The following GSTA4 variants were observed in gnomAD, a reference collection of about 807,000 sequenced individuals.
GSTA4 encodes glutathione S-transferase alpha 4.
A neutral mutation model predicts 24.4 loss-of-function variants in GSTA4; 15 were observed. The observed-to-expected ratio is 0.61, with a 90% CI of 0.41 to 0.95. The LOEUF is 0.95. Ranked by LOEUF, GSTA4 falls within the 40% of genes least tolerant of loss-of-function variation. The pLI is 0.00. For synonymous variants in GSTA4, 92 were observed against 94.2 expected (o/e 0.98, Z 0.13); for missense variants, 244 against 262.1 (o/e 0.93, Z 0.48).
chr6:52,982,429 T>C, intron 6 of GSTA4, 145 bp downstream of exon 6: 1 of 556,096 alleles, frequency 1.8e-6, no homozygotes, highest in South Asian at 2.7e-5. Flanking sequence ...TTTGGGTCCT[T>C]ACTTTCATTT....
intron 6 of GSTA4, among the ~76,000 whole-genome samples, chr6:52,980,109 T>C (rs926448154): frequency 2.0e-5 from 3 of 152,054 alleles, no homozygotes; most frequent in Non-Finnish European, 4.4e-5. Context: ...TAAAAAAGGG[T>C]TGTTATTATA....
At position 52,982,566 on chromosome 6, in the gene GSTA4, T is replaced by C; in HGVS notation, c.546+8A>G. On this transcript the variant is annotated splice_region_variant and intron_variant, in intron 6 of 6. Transcript: ENST00000370963. ...TAGGCCAATCTTCTAATACATAGTT[T>C]TATTTACCTGGAGGAAAGGAAATGC... 6.2e-7 allele frequency: 1 copy of C among 1,605,064 alleles called. No individual in the cohort carries two copies. Among genetic ancestry groups the C allele is most frequent in the African/African-American group, 1.3e-5 (1 of 74,478 alleles).
At chr6:52,991,407 G>A (rs1398887533) in intron 2 of GSTA4, among the ~76,000 whole-genome samples, 2 of 152,128 alleles carry the variant, frequency 1.3e-5, no homozygotes, top group South Asian at 2.1e-4. Flanking sequence ...GATGAAGGTC[G>A]GCATCACTGA....
chr6:52,989,389 G>A (rs150868669), intron 2 of GSTA4, among the ~76,000 whole-genome samples: 4 of 152,244 alleles, frequency 2.6e-5, no homozygotes, highest in East Asian at 3.9e-4. Context: ...AAGAACCCTC[G>A]GTTGGGGTCT....
Position 52,982,751 on chromosome 6 carries a change from G to C in GSTA4, c.415-46C>G, listed in dbSNP as rs200095518. On this transcript the variant is annotated intron_variant, in intron 5 of 6. Transcript: ENST00000370963. Reference sequence around the variant, plus strand: ...TCAGTTACAATATTCCACATGGAGAGAGTGATGAGGCTATTGAATCAGTGC... The same window carrying C: ...TCAGTTACAATATTCCACATGGAGACAGTGATGAGGCTATTGAATCAGTGC... The C allele has an allele frequency of 8.8e-5, 129 of 1,473,380 alleles. No homozygotes were observed. The African/African-American group carries it at 1.5e-3, about 18-fold the overall frequency. The allele number at this position is 1,473,380 out of a possible 1,614,324, so 91.3% of individuals were successfully genotyped here.
At chr6:52,990,954 A>T (rs1403670688) in intron 2 of GSTA4, among the ~76,000 whole-genome samples, 1 of 152,238 alleles carries the variant, frequency 6.6e-6, no homozygotes, top group East Asian at 1.9e-4. Flanking sequence ...CAATTTCTAA[A>T]GACAAGTCAG....
chr6:52,992,938 T>TA (rs2127388494), intron 2 of GSTA4, among the ~76,000 whole-genome samples: 2 of 152,070 alleles, frequency 1.3e-5, no homozygotes, highest in East Asian at 1.9e-4. Flanking sequence ...CTGTCTCTAC[T>TA]AAAAAAATAC....
chr6:52,980,838 A>G (rs967648286), intron 6 of GSTA4, among the ~76,000 whole-genome samples: 1 of 152,176 alleles, frequency 6.6e-6, no homozygotes, highest in African/African-American at 2.4e-5. Flanking sequence ...TTCATCTGTA[A>G]AATGGAGATA....
At chr6:52,988,712 T>C (rs1229794655) in intron 2 of GSTA4, among the ~76,000 whole-genome samples, 1 of 152,200 alleles carries the variant, frequency 6.6e-6, no homozygotes, top group African/African-American at 2.4e-5. Flanking sequence ...GAAACTGTTA[T>C]AACTGCTAAA....
chr6:52,992,232 C>G (rs1763674973), intron 2 of GSTA4, among the ~76,000 whole-genome samples: 1 of 152,098 alleles, frequency 6.6e-6, no homozygotes, highest in Admixed American at 6.5e-5. Context: ...AAAGCTGAAA[C>G]AATTTAGGCA....
intron 6 of GSTA4, among the ~76,000 whole-genome samples, chr6:52,979,928 T>C (rs879663436): frequency 7.2e-5 from 11 of 152,244 alleles, no homozygotes; most frequent in Non-Finnish European, 1.5e-4. Context: ...CTGGGGTTCA[T>C]AGTTATCAAA....
At position 52,978,920 on chromosome 6, in the gene GSTA4, G is replaced by A. The variant is rs73743134; in HGVS notation, c.547-328C>T. 4.2e-3 allele frequency among the ~76,000 whole-genome samples: 636 copies of A among 152,256 alleles called. 4 individuals are homozygous for A. The highest frequency in any genetic ancestry group is 0.014 in the African/African-American group (571 of 41,542). The stretch of plus-strand genomic sequence containing the variant: ...GCCACATGCAGCCCGCGGGCTGTGG[G>A]TTGGACAAGGCTAGGTTAAGATCTG... On this transcript the variant is annotated intron_variant, in intron 6 of 6. Coordinates refer to ENST00000370963, the MANE Select transcript of GSTA4 (RefSeq NM_001512.4).
chr6:52,993,720 A>G (rs2127388846), intron 2 of GSTA4, among the ~76,000 whole-genome samples: 1 of 152,308 alleles, frequency 6.6e-6, no homozygotes, highest in East Asian at 1.9e-4. Flanking sequence ...GGTATTTGAA[A>G]ATTTCCATAC....
rs894124220 is a variant in GSTA4 at position 52,982,712 on chromosome 6, G to A, written c.415-7C>T. On this transcript the variant is annotated splice_polypyrimidine_tract_variant and splice_region_variant and intron_variant, in intron 5 of 6. Coordinates refer to ENST00000370963, the MANE Select transcript of GSTA4 (RefSeq NM_001512.4). ...GTCCGTGACCCCTTAAAATCTGTAG[G>A]GAAATGGTGTGCATCAGTTACAATA... 1.9e-6 allele frequency: 3 copies of A among 1,608,636 alleles called. No homozygotes were observed. Among genetic ancestry groups the A allele is most frequent in the Non-Finnish European group, 2.6e-6 (3 of 1,175,418 alleles).
chr6:52,991,821 A>C (rs1490541242), intron 2 of GSTA4, among the ~76,000 whole-genome samples: 2 of 145,728 alleles, frequency 1.4e-5, no homozygotes, highest in Non-Finnish European at 3.0e-5. Context: ...GCAGTGGGGC[A>C]ATCTCGGCTC....
intron 5 of GSTA4, among the ~76,000 whole-genome samples, chr6:52,983,848 A>G (rs1035408110): frequency 6.6e-6 from 1 of 152,232 alleles, no homozygotes; most frequent in African/African-American, 2.4e-5. Context: ...ATCTAGTTCC[A>G]TAAAGATGGT....
intron 2 of GSTA4, among the ~76,000 whole-genome samples, chr6:52,993,035 G>A (rs1444279183): frequency 6.6e-6 from 1 of 151,412 alleles, no homozygotes; most frequent in Admixed American, 6.6e-5. Flanking sequence ...CCTGGGAGGC[G>A]GAGGTTGCAG....
intron 5 of GSTA4, 101 bp downstream of exon 5, chr6:52,984,363 G>T: frequency 9.1e-7 from 1 of 1,096,170 alleles, no homozygotes; most frequent in Non-Finnish European, 1.3e-6. Flanking sequence ...GTTCAACTGG[G>T]CTCAGTTTTA....
chr6:52,991,877 C>T (rs1283334125), intron 2 of GSTA4, among the ~76,000 whole-genome samples: 1 of 151,838 alleles, frequency 6.6e-6, no homozygotes, highest in African/African-American at 2.4e-5. Context: ...CTGCTTCAGC[C>T]TCCTGAGTAG....
Sources: allele counts gnomAD v4.1 joint callset (sites outside exome capture counted in the v4.1 genomes callset), GRCh38; gene constraint gnomAD v4.1.1; transcripts MANE v1.5; gene names NCBI Gene and HGNC (gene_info 2026-07-23, HGNC 2026-07-21).